DNAH5: variants seen among roughly 807,000 people sequenced by gnomAD.
DNAH5 encodes the protein dynein axonemal heavy chain 5.
In DNAH5, 372 loss-of-function variants were observed where a neutral mutation model predicts 518.2. The ratio of observed to expected loss-of-function variants is 0.72; its 90% CI spans 0.66 to 0.78. The LOEUF is 0.78. DNAH5 is among the 30% of genes least tolerant of loss of function. DNAH5 has a pLI of 0.00. For missense variants in DNAH5, 5,523 were observed against 5,687.0 expected (o/e 0.97, Z 0.93); for synonymous variants, 2,039 against 2,025.9 (o/e 1.01, Z -0.17).
chr5:13,820,523 C>T lies in DNAH5; in HGVS notation c.6688-24G>A, dbSNP rs191715800. On this transcript the variant is annotated intron_variant, in intron 40 of 78. Transcript: ENST00000265104. ...ACCTGAAAACATAAGAGAATCCCCA[C>T]ATTGAAACACAACAATGATGGCCGG... is the stretch of plus-strand genomic sequence containing the variant. 7.5e-4 allele frequency: 1,210 copies of T among 1,612,936 alleles called. 4 individuals carry two copies. In the Middle Eastern group the frequency reaches 1.0e-2, roughly 13 times the overall value.
At chr5:13,767,369 C>T (rs997535256) in intron 58 of DNAH5, among the ~76,000 whole-genome samples, 1 of 152,170 alleles carries the variant, frequency 6.6e-6, no homozygotes, top group Admixed American at 6.5e-5. Context: ...AGGTGATCTG[C>T]CCACCTCGGC....
chr5:13,902,404 C>A (rs1049302133), intron 12 of DNAH5, among the ~76,000 whole-genome samples: 3 of 152,126 alleles, frequency 2.0e-5, no homozygotes, highest in Non-Finnish European at 4.4e-5. Context: ...GGCACTGGGG[C>A]CTTATCGCAA....
At chr5:13,877,742 T>G (rs950611145) in intron 21 of DNAH5, among the ~76,000 whole-genome samples, 52 of 152,344 alleles carry the variant, frequency 3.4e-4, no homozygotes, top group African/African-American at 1.2e-3. Context: ...AATGAGGCTT[T>G]GGACCTCACA....
At chr5:13,909,458 A>G (rs1775724657) in intron 12 of DNAH5, among the ~76,000 whole-genome samples, 1 of 152,030 alleles carries the variant, frequency 6.6e-6, no homozygotes, top group Admixed American at 6.5e-5. Context: ...GAAAAATATA[A>G]CCACACAAAC....
At chr5:13,725,732 G>A (rs1285051409) in intron 70 of DNAH5, among the ~76,000 whole-genome samples, 1 of 152,126 alleles carries the variant, frequency 6.6e-6, no homozygotes, top group Non-Finnish European at 1.5e-5. Flanking sequence ...TCAGTTCACT[G>A]CAAGCTCCAC....
chr5:13,880,472 T>C (rs1268968000), intron 21 of DNAH5, among the ~76,000 whole-genome samples: 1 of 151,960 alleles, frequency 6.6e-6, no homozygotes, highest in Non-Finnish European at 1.5e-5. Flanking sequence ...GCAAAACTAC[T>C]AAAAACAACT....
chr5:13,807,717 T>C lies in DNAH5; in HGVS notation c.7761A>G (p.Leu2587=), dbSNP rs1759853119. The change falls in exon 47 of 79, where the codon CTA becomes CTG. Residue 2587 remains leucine (L), a synonymous_variant. Transcript: ENST00000265104. ...TGGCTGTTCCTTGTTCACCAATTAA[T>C]AGCACAGCCTAAAATAGAGGGAATT... ...QTIAKQGKAV[L]LIGEQGTAKT... 3 of 1,605,284 alleles carry C rather than the reference T, an allele frequency of 1.9e-6. No individual in the cohort carries two copies. Among genetic ancestry groups the C allele is most frequent in the African/African-American group, 1.3e-5 (1 of 74,682 alleles).
rs753614861 is a variant in DNAH5, at chr5:13,830,026, C to T, written c.6249G>A (p.Met2083Ile). ...MNPEFGLFLT[M>I]NPGYAGRQEL... The stretch of plus-strand genomic sequence containing the variant: ...AGTAGCTTTTCTAGCAGCTCCTTAC[C>T]ATGGTTAAGAAAAGCCCAAATTCAG... The change falls in exon 37 of 79, where the codon ATG (methionine) becomes ATA (isoleucine). Residue 2083 changes from methionine to isoleucine, a missense_variant and splice_region_variant. Met to Ile is a conservative substitution (Grantham distance 10). Around this residue, in one of 3 missense-constraint regions of DNAH5, gnomAD observed 5,121 missense variants for 5,223.3 expected, o/e 0.98. Coordinates refer to ENST00000265104, the MANE Select transcript of DNAH5 (RefSeq NM_001369.3). 100 of 1,613,220 alleles carry T rather than the reference C, an allele frequency of 6.2e-5. No homozygotes were observed. Among genetic ancestry groups the T allele is most frequent in the Non-Finnish European group, 8.0e-5 (94 of 1,179,576 alleles).
intron 19 of DNAH5, among the ~76,000 whole-genome samples, 166 bp downstream of exon 19, chr5:13,884,823 G>A (rs1009849091): frequency 3.3e-5 from 5 of 152,158 alleles, no homozygotes; most frequent in African/African-American, 7.2e-5. Context: ...TCGACAGGGC[G>A]AGACTCCATC....
intron 1 of DNAH5, among the ~76,000 whole-genome samples, chr5:13,953,237 G>A (rs964746562): frequency 3.3e-5 from 5 of 152,066 alleles, no homozygotes; most frequent in African/African-American, 7.2e-5. Context: ...ACTTCTTGAC[G>A]GAGCAGAGGT....
intron 76 of DNAH5, among the ~76,000 whole-genome samples, 165 bp from the exon 77 acceptor site, chr5:13,701,601 A>C (rs566993908): frequency 2.0e-5 from 3 of 152,244 alleles, no homozygotes; most frequent in Non-Finnish European, 1.5e-5. Flanking sequence ...TAAGTGTTTC[A>C]AATTATTCTT....
chr5:13,696,812 A>G (rs1741454455), intron 78 of DNAH5, among the ~76,000 whole-genome samples: 1 of 152,206 alleles, frequency 6.6e-6, no homozygotes, highest in Non-Finnish European at 1.5e-5. Context: ...ACTGAAATCA[A>G]AAAAAGAATA....
chr5:13,713,165 C>T (rs555388586), intron 75 of DNAH5, among the ~76,000 whole-genome samples: 11 of 99,414 alleles, frequency 1.1e-4, no homozygotes, highest in East Asian at 5.7e-4. Flanking sequence ...ATATATATAC[C>T]GACATATATA....
In DNAH5 at chr5:13,823,219, G is replaced by T. The variant is rs139568285; in HGVS notation, c.6687+44C>A. The T allele has an allele frequency of 1.0e-4, 131 of 1,286,454 alleles. No individual in the cohort carries two copies. In the African/African-American group the frequency reaches 1.7e-3, roughly 16 times the overall value. 79.7% of individuals were successfully genotyped at this position (1,286,454 alleles called of 1,614,324 possible). A position where few individuals can be genotyped will look rare whatever the true frequency, so the allele number is the denominator to read the frequency against. ...CCCCACTTTATTCCCATTAAATTCA[G>T]ATGAAACAGACACCAGCCCTCGTTG... On this transcript the variant is annotated intron_variant, in intron 40 of 78. Transcript: ENST00000265104.
chr5:13,868,074 G>A, intron 24 of DNAH5, 82 bp from the exon 25 acceptor site: 1 of 1,065,414 alleles, frequency 9.4e-7, no homozygotes, highest in Non-Finnish European at 1.4e-6. Flanking sequence ...TGATAAGAAT[G>A]GAAAATACCA....
At position 13,755,245 on chromosome 5, in the gene DNAH5, A is replaced by G. The variant is rs1273950255; in HGVS notation, c.10420-907T>C. On this transcript the variant is annotated intron_variant, in intron 61 of 78. Transcript: ENST00000265104. ...ATGTACAAAGGTGTAGCTACCTGAC[A>G]AGTCACTGGGTGTTCAAATATATAT... Among the ~76,000 whole-genome samples the G allele has an allele frequency of 4.6e-5, 7 of 152,168 alleles. No homozygotes were observed. The South Asian group carries it at 1.0e-3, about 22-fold the overall frequency.
chr5:13,860,235 T>C (rs1391163489), intron 29 of DNAH5: 1 of 152,782 alleles, frequency 6.5e-6, no homozygotes, highest in Non-Finnish European at 1.5e-5. Flanking sequence ...ATGTCCTTTT[T>C]TCCTTCTGCT....
At chr5:13,700,522 C>G (rs1741952257) in intron 78 of DNAH5, 118 bp downstream of exon 78, 3 of 988,386 alleles carry the variant, frequency 3.0e-6, no homozygotes, top group African/African-American at 3.2e-5. Context: ...GAATGTAAAG[C>G]TAATAGATAA....
chr5:13,751,250 C>T lies in DNAH5; in HGVS notation c.11039G>A (p.Gly3680Asp), dbSNP rs1750179693. Residue 3680 changes from glycine (G) to aspartate (D), a missense_variant, in exon 65 of 79, where the codon GGT becomes GAT. Physicochemically the swap from Gly to Asp is moderately conservative, Grantham distance 94. Coordinates refer to ENST00000265104, the MANE Select transcript of DNAH5 (RefSeq NM_001369.3). ...KTGSTFKVKV[G>D]DKEVDVLDGF... ...ATCCAACACATCTACTTCCTTGTCA[C>T]CAACTTTCACCTTTTTTATAAAAAG... The T allele has an allele frequency of 6.2e-7, 1 of 1,613,160 alleles. No individual in the cohort carries two copies. Among genetic ancestry groups the T allele is most frequent in the East Asian group, 2.2e-5 (1 of 44,822 alleles).
Sources: gnomAD v4.1 joint callset for allele counts (sites outside exome capture counted in the v4.1 genomes callset) on GRCh38, gnomAD v4.1.1 for gene constraint, gnomAD v4.1.1 regional missense constraint, MANE v1.5 for transcripts, NCBI Gene and HGNC (gene_info 2026-07-23, HGNC 2026-07-21) for gene names.